HEG1: variants seen among roughly 807,000 people sequenced by gnomAD.
HEG1 encodes the protein heart development protein with EGF like domains 1, also known as protein HEG homolog 1.
A neutral mutation model predicts 125.6 loss-of-function variants in HEG1; 56 were observed. That is an observed-to-expected ratio of 0.45 (90% CI 0.36 to 0.56). HEG1 has a LOEUF of 0.56. Among genes scored for constraint, HEG1 ranks in the 20% least tolerant of loss-of-function variants. The pLI, the probability that HEG1 is intolerant of heterozygous loss-of-function variation, is 0.00. For missense variants in HEG1, 1,523 were observed against 1,670.0 expected (o/e 0.91, Z 1.53); for synonymous variants, 644 against 668.5 (o/e 0.96, Z 0.57).
At chr3:125,048,641 T>C (rs1027595430) in intron 1 of HEG1, among the ~76,000 whole-genome samples, 2 of 152,144 alleles carry the variant, frequency 1.3e-5, no homozygotes, top group African/African-American at 4.8e-5. Context: ...CATATTCCAA[T>C]TTAGGGGGTC....
chr3:125,041,150 C>T (rs1233382981), intron 1 of HEG1, among the ~76,000 whole-genome samples: 1 of 152,186 alleles, frequency 6.6e-6, no homozygotes, highest in Non-Finnish European at 1.5e-5. Flanking sequence ...GAGAGAAGCT[C>T]TTGCTAAACT....
Position 124,973,804 on chromosome 3 carries a change from C to G in HEG1, c.3923G>C (p.Gly1308Ala). ...YPKNPRSQEW[G>A]REAIEMHENG... ...CTCATGCATTTCAATAGCTTCTCGG[C>G]CCCATTCTTGTGAGCGAGGATTTTT... Residue 1308 changes from glycine to alanine, a missense_variant, in exon 16 of 17, where the codon GGC becomes GCC. Gly to Ala is a moderately conservative substitution (Grantham distance 60). Transcript: ENST00000311127. 1.2e-6 allele frequency: 2 copies of G among 1,613,848 alleles called. No homozygotes were observed. Among genetic ancestry groups the G allele is most frequent in the Non-Finnish European group, 1.7e-6 (2 of 1,179,762 alleles).
rs1937435242 is a variant in HEG1, at chr3:125,027,515, C to T, written c.611-8G>A. ...GGTGAAGACTTTCTGAGGCTGAAAA[C>T]AGACAAAAACAATTAGAATTCCACC... On this transcript the variant is annotated splice_region_variant and splice_polypyrimidine_tract_variant and intron_variant, in intron 2 of 16. Transcript: ENST00000311127. 1.3e-6 allele frequency: 2 copies of T among 1,577,828 alleles called. No individual in the cohort carries two copies. The highest frequency in any genetic ancestry group is 1.2e-5 in the South Asian group (1 of 83,410).
intron 14 of HEG1, among the ~76,000 whole-genome samples, chr3:124,980,314 A>T (rs1160348661): frequency 6.6e-6 from 1 of 152,216 alleles, no homozygotes; most frequent in Non-Finnish European, 1.5e-5. Context: ...TAAAGACCAG[A>T]GTCTGGCTCC....
At chr3:125,043,974 C>G (rs1937624713) in intron 1 of HEG1, among the ~76,000 whole-genome samples, 1 of 152,332 alleles carries the variant, frequency 6.6e-6, no homozygotes, top group Non-Finnish European at 1.5e-5. Context: ...GGTGTCCACA[C>G]AGCTGGCGGC....
chr3:125,048,975 G>C (rs967382850), intron 1 of HEG1, among the ~76,000 whole-genome samples: 1 of 152,190 alleles, frequency 6.6e-6, no homozygotes, highest in African/African-American at 2.4e-5. Context: ...CATGGGAAGA[G>C]GCAGGAGTTG....
intron 12 of HEG1, among the ~76,000 whole-genome samples, chr3:124,996,623 A>G (rs1188676601): frequency 6.6e-6 from 1 of 152,198 alleles, no homozygotes; most frequent in Non-Finnish European, 1.5e-5. Flanking sequence ...TTTGTATCCA[A>G]ACCTAACAAA....
chr3:125,020,318 C>A (rs1265321069), intron 4 of HEG1, among the ~76,000 whole-genome samples: 3 of 152,164 alleles, frequency 2.0e-5, no homozygotes, highest in African/African-American at 7.2e-5. Context: ...CCCAGCTACT[C>A]TGGAGGCTAA....
intron 12 of HEG1, among the ~76,000 whole-genome samples, chr3:124,993,805 T>C (rs1026826579): frequency 1.3e-5 from 2 of 152,222 alleles, no homozygotes; most frequent in Non-Finnish European, 1.5e-5. Context: ...GGTCCATCTG[T>C]TGTCCTGCCC....
chr3:125,007,507 T>A lies in HEG1; in HGVS notation c.3194-2139A>T, dbSNP rs539712661. Among the ~76,000 whole-genome samples, 10 of 152,372 alleles carry A rather than the reference T, an allele frequency of 6.6e-5. No individual in the cohort carries two copies. The South Asian group carries it at 1.7e-3, about 25-fold the overall frequency. ...AAGAGCCATAATTATTACTTTGTATTCAGCACAGTTTATTGTTTTCAATGC... is the reference window on the plus strand; with the variant it reads ...AAGAGCCATAATTATTACTTTGTATACAGCACAGTTTATTGTTTTCAATGC... On this transcript the variant is annotated intron_variant, in intron 8 of 16. Transcript: ENST00000311127.
chr3:124,998,869 TG>T (rs368434778), intron 11 of HEG1, among the ~76,000 whole-genome samples: 55 of 152,248 alleles, frequency 3.6e-4, no homozygotes, highest in Non-Finnish European at 5.7e-4. Context: ...CTGTTGTTAT[TG>T]GGGGGCAAGC....
intron 15 of HEG1, 112 bp from the exon 16 acceptor site, chr3:124,974,017 ATTTGTAG>A: frequency 1.4e-6 from 1 of 712,178 alleles, no homozygotes; most frequent in Non-Finnish European, 2.3e-6. Flanking sequence ...CATTATATTT[ATTTGTAG>A]CTGCCCACTG....
chr3:125,010,134 T>C (rs1436383929), intron 7 of HEG1, among the ~76,000 whole-genome samples: 8 of 152,094 alleles, frequency 5.3e-5, no homozygotes, highest in Admixed American at 5.2e-4. Flanking sequence ...CTTTAATCAA[T>C]AGATTAGGGT....
At chr3:125,038,254 G>A (rs1032706805) in intron 1 of HEG1, among the ~76,000 whole-genome samples, 3 of 152,020 alleles carry the variant, frequency 2.0e-5, no homozygotes, top group African/African-American at 7.2e-5. Context: ...TTTGGGCCTC[G>A]CTGAATTCCA....
At chr3:124,980,165 T>A (rs1258972478) in intron 14 of HEG1, among the ~76,000 whole-genome samples, 6 of 152,234 alleles carry the variant, frequency 3.9e-5, no homozygotes, top group African/African-American at 1.4e-4. Flanking sequence ...TGAGCTACCA[T>A]CATCCCTTGT....
chr3:124,981,391 C>T (rs1299487090), intron 14 of HEG1, among the ~76,000 whole-genome samples: 2 of 152,152 alleles, frequency 1.3e-5, no homozygotes, highest in African/African-American at 4.8e-5. Flanking sequence ...TGCTCACTCT[C>T]AACTTCTGTG....
chr3:125,048,097 T>C (rs1466342843), intron 1 of HEG1, among the ~76,000 whole-genome samples: 1 of 152,158 alleles, frequency 6.6e-6, no homozygotes, highest in Non-Finnish European at 1.5e-5. Flanking sequence ...GGAATTGGGA[T>C]TGAAGTCTTG....
At position 125,015,095 on chromosome 3, in the gene HEG1, G is replaced by A. The variant is rs576246099; in HGVS notation, c.1589-1105C>T. 4.1e-6 allele frequency: 4 copies of A among 984,546 alleles called. No homozygotes were observed. The African/African-American group carries it at 6.8e-5, about 17-fold the overall frequency. 61.0% of individuals were successfully genotyped at this position (984,546 alleles called of 1,614,324 possible). ...TGCCCCAAGCCTCACTTCCTGGGCT[G>A]TGGGAGCCAAGACGCTCCCCTGTAC... On this transcript the variant is annotated intron_variant, in intron 5 of 16. Transcript: ENST00000311127.
At chr3:125,047,137 AC>A in intron 1 of HEG1, among the ~76,000 whole-genome samples, 1 of 152,232 alleles carries the variant, frequency 6.6e-6, no homozygotes, top group East Asian at 1.9e-4. Flanking sequence ...CAGGGGTCCA[AC>A]GAGGGGAAGA....
Sources: gnomAD v4.1 joint callset for allele counts (sites outside exome capture counted in the v4.1 genomes callset) on GRCh38, gnomAD v4.1.1 for gene constraint, MANE v1.5 for transcripts, NCBI Gene and HGNC (gene_info 2026-07-23, HGNC 2026-07-21) for gene names.